Variants in RXFP1 observed in about 807,000 individuals in gnomAD.
RXFP1 encodes the protein relaxin receptor 1.
In RXFP1, 73 loss-of-function variants were observed where a neutral mutation model predicts 89.8. The observed-to-expected ratio is 0.81, with a 90% confidence interval of 0.67 to 0.99. The LOEUF is 0.99. Ranked by LOEUF, RXFP1 falls within the 50% of genes least tolerant of loss-of-function variation. The pLI is 0.00. For synonymous variants in RXFP1, 277 were observed against 305.5 expected, an observed-to-expected ratio of 0.91 and a Z score of 0.97; for missense variants, 793 against 895.5, an observed-to-expected ratio of 0.89 and a Z score of 1.46.
chr4:158,608,412 GAATAGCTCC>G (rs1561117248), intron 6 of RXFP1, among the ~76,000 whole-genome samples: 2 of 136,108 alleles, frequency 1.5e-5, no homozygotes, highest in African/African-American at 5.7e-5. Flanking sequence ...TCAGCCTCCC[GAATAGCTCC>G]AGCATCCAGC....
intron 1 of RXFP1, among the ~76,000 whole-genome samples, chr4:158,533,127 A>G (rs9990723): frequency 0.73 from 111,347 of 152,074 alleles, 44,172 homozygotes; most frequent in East Asian, 0.98. Flanking sequence ...TCGTTACTGG[A>G]TCTTAATGTT....
At chr4:158,636,215 T>C (rs1026560034) in intron 12 of RXFP1, among the ~76,000 whole-genome samples, 3 of 152,088 alleles carry the variant, frequency 2.0e-5, no homozygotes, top group Admixed American at 2.0e-4. Flanking sequence ...ACATAGCAAG[T>C]CCCCATCTCT....
At chr4:158,621,247 G>A (rs1466534980) in intron 9 of RXFP1, among the ~76,000 whole-genome samples, 1 of 152,218 alleles carries the variant, frequency 6.6e-6, no homozygotes, top group Non-Finnish European at 1.5e-5. Context: ...GAGAGATCAA[G>A]GCTTAAATGA....
chr4:158,568,058 A>G (rs1334849841), intron 1 of RXFP1, among the ~76,000 whole-genome samples: 2 of 152,200 alleles, frequency 1.3e-5, no homozygotes, highest in Non-Finnish European at 2.9e-5. Flanking sequence ...GGAGGAATGA[A>G]CAACTCCGAA....
intron 1 of RXFP1, among the ~76,000 whole-genome samples, chr4:158,547,869 A>G (rs1260451779): frequency 6.6e-6 from 1 of 152,130 alleles, no homozygotes; most frequent in African/African-American, 2.4e-5. Flanking sequence ...TTTACTTCCA[A>G]CTATGTGGTC....
At chr4:158,629,980 T>G (rs553778824) in intron 11 of RXFP1, among the ~76,000 whole-genome samples, 1 of 152,234 alleles carries the variant, frequency 6.6e-6, no homozygotes, top group South Asian at 2.1e-4. Flanking sequence ...GTTTTGACAA[T>G]TAGCTAGACA....
At chr4:158,573,527 T>G (rs978167022) in intron 2 of RXFP1, among the ~76,000 whole-genome samples, 6 of 152,134 alleles carry the variant, frequency 3.9e-5, no homozygotes, top group African/African-American at 1.4e-4. Context: ...CAGCTATCAT[T>G]AATGTAAGTG....
chr4:158,605,250 C>A, intron 5 of RXFP1, 111 bp downstream of exon 5: 1 of 521,528 alleles, frequency 1.9e-6, no homozygotes, highest in East Asian at 3.1e-5. Context: ...TGTCTAATCC[C>A]TATTCAGGGA....
At chr4:158,594,619 T>C (rs1353850631) in intron 3 of RXFP1, among the ~76,000 whole-genome samples, 4 of 152,226 alleles carry the variant, frequency 2.6e-5, no homozygotes, top group African/African-American at 9.6e-5. Context: ...TGTTTTGTTT[T>C]ATTTTTCATC....
intron 1 of RXFP1, among the ~76,000 whole-genome samples, chr4:158,525,299 C>T (rs1249574332): frequency 2.7e-5 from 4 of 150,874 alleles, no homozygotes; most frequent in Non-Finnish European, 4.4e-5. Context: ...TAGATTGCAT[C>T]GTGGTCAAGT....
rs1323206225 is a variant in RXFP1, at chr4:158,572,673, T to G, written c.50-25T>G. 1.9e-6 allele frequency: 3 copies of G among 1,611,810 alleles called. No individual in the cohort carries two copies. In the African/African-American group the frequency reaches 4.0e-5, roughly 22 times the overall value. On this transcript the variant is annotated intron_variant, in intron 1 of 17. Transcript: ENST00000307765. ...CCTTTGTATTAACCACCTTCAAACT[T>G]TGTGTCTTCTCCCCTTTTCCTCAGT... is the stretch of plus-strand genomic sequence containing the variant.
chr4:158,639,874 A>G (rs575547700), intron 14 of RXFP1, among the ~76,000 whole-genome samples: 1 of 152,226 alleles, frequency 6.6e-6, no homozygotes, highest in East Asian at 1.9e-4. Context: ...AGAAAAAAAA[A>G]GAAAAGAAAA....
chr4:158,626,605 G>A (rs759634620), intron 9 of RXFP1, among the ~76,000 whole-genome samples: 4 of 151,824 alleles, frequency 2.6e-5, no homozygotes, highest in Non-Finnish European at 4.4e-5. Context: ...CAGATGGGAC[G>A]CAAAACATTT....
intron 9 of RXFP1, among the ~76,000 whole-genome samples, chr4:158,619,395 T>C (rs1446317871): frequency 6.6e-6 from 1 of 152,146 alleles, no homozygotes; most frequent in African/African-American, 2.4e-5. Flanking sequence ...AACAAGAAGA[T>C]GTGGGACATA....
At chr4:158,569,822 G>A (rs754532784) in intron 1 of RXFP1, among the ~76,000 whole-genome samples, 9 of 152,072 alleles carry the variant, frequency 5.9e-5, no homozygotes, top group Admixed American at 3.9e-4. Flanking sequence ...GTGGGGGGTG[G>A]GGATAAGATT....
chr4:158,605,580 G>T (rs1762418359), intron 5 of RXFP1, among the ~76,000 whole-genome samples: 1 of 152,134 alleles, frequency 6.6e-6, no homozygotes, highest in African/African-American at 2.4e-5. Flanking sequence ...AGTCACTGTG[G>T]GTTGAAACCT....
chr4:158,610,140 C>T (rs990223871), intron 6 of RXFP1, among the ~76,000 whole-genome samples: 5 of 152,144 alleles, frequency 3.3e-5, no homozygotes, highest in Admixed American at 6.5e-5. Context: ...TGGCACACGC[C>T]TGTAGTCCCA....
chr4:158,612,183 T>C lies in RXFP1; in HGVS notation c.590T>C (p.Leu197Pro), dbSNP rs1448504268. Residue 197 changes from leucine (L) to proline (P), a missense_variant, in exon 7 of 18, where the codon CTT (leucine) becomes CCT (proline). By Grantham distance (98) the Leu-to-Pro change is moderately conservative. Coordinates refer to ENST00000307765, the MANE Select transcript of RXFP1 (RefSeq NM_021634.4). Reference protein sequence around the residue: ...TFLKPGVFEDLHRLEWLIIED... With the variant: ...TFLKPGVFEDPHRLEWLIIED... ...CTGAAGCCGGGTGTTTTTGAAGATCTTCACAGACTAGAATGGCTGTATGTT... is the reference window on the plus strand; with the variant it reads ...CTGAAGCCGGGTGTTTTTGAAGATCCTCACAGACTAGAATGGCTGTATGTT... 4 of 1,611,832 alleles carry C rather than the reference T, an allele frequency of 2.5e-6. No individual in the cohort carries two copies. Among genetic ancestry groups the C allele is most frequent in the Non-Finnish European group, 3.4e-6 (4 of 1,179,264 alleles).
At chr4:158,620,577 A>T (rs1268004960) in intron 9 of RXFP1, among the ~76,000 whole-genome samples, 1 of 152,178 alleles carries the variant, frequency 6.6e-6, no homozygotes, top group African/African-American at 2.4e-5. Flanking sequence ...AACATTATAC[A>T]CTGTAAAACA....
Sources: allele counts gnomAD v4.1 joint callset (sites outside exome capture counted in the v4.1 genomes callset), GRCh38; gene constraint gnomAD v4.1.1; transcripts MANE v1.5; gene names NCBI Gene and HGNC (gene_info 2026-07-23, HGNC 2026-07-21).